Variants in ADGRL3 observed in about 807,000 individuals in gnomAD.
The protein encoded by ADGRL3 is calcium-independent alpha-latrotoxin receptor 3.
Under a neutral mutation model 153.5 loss-of-function variants are expected in ADGRL3, and 62 were observed. That is an observed-to-expected ratio of 0.40 (90% confidence interval 0.33 to 0.50). The LOEUF (loss-of-function observed/expected upper bound fraction) is 0.50. Among genes scored for constraint, ADGRL3 ranks in the 20% least tolerant of loss-of-function variants. The pLI is 0.47. For synonymous variants in ADGRL3, 710 were observed against 672.5 expected, an observed-to-expected ratio of 1.06 and a Z score of -0.86; for missense variants, 1,641 against 1,859.4, an observed-to-expected ratio of 0.88 and a Z score of 2.16.
In ADGRL3 at chr4:61,655,661, C is replaced by T. The variant is rs550133251; in HGVS notation, c.474-21165C>T. Among the ~76,000 whole-genome samples the T allele has an allele frequency of 9.2e-5, 14 of 152,228 alleles. 1 individual carries two copies. In the East Asian group the frequency reaches 1.9e-3, roughly 21 times the overall value. On this transcript the variant is annotated intron_variant, in intron 5 of 26. Transcript: ENST00000683033. ...CAGTAGCAAGAAGGTCGTCATTTTT[C>T]TCTTAATTGATAGATTCATTCAAAA...
chr4:61,977,601 T>C (rs2099052639), intron 17 of ADGRL3, among the ~76,000 whole-genome samples: 1 of 152,120 alleles, frequency 6.6e-6, no homozygotes, highest in Admixed American at 6.6e-5. Context: ...AGTATTCTAG[T>C]GGAGGTCTTC....
In ADGRL3 at chr4:61,722,619, A is replaced by G. The variant is rs530235873; in HGVS notation, c.584-8003A>G. Among the ~76,000 whole-genome samples the G allele has an allele frequency of 2.8e-4, 42 of 152,328 alleles. 1 individual carries two copies. In the South Asian group the frequency reaches 7.9e-3, roughly 29 times the overall value. On this transcript the variant is annotated intron_variant, in intron 6 of 26. Transcript: ENST00000683033. ...ATGATTTCTAGAACTGAAACAAAAA[A>G]TAAAATTAATTGTAGAATTCTTTAG...
In ADGRL3 at chr4:61,598,295, G is replaced by A. The variant is rs148343049; in HGVS notation, c.473+10855G>A. On this transcript the variant is annotated intron_variant, in intron 5 of 26. Coordinates refer to ENST00000683033, the MANE Select transcript of ADGRL3 (RefSeq NM_001387552.1). ...CTGGAGGGCAACATGAACCTCCTGC[G>A]AACTAACAGAAAAGTGGATCTTAAT... is the stretch of plus-strand genomic sequence containing the variant. Among the ~76,000 whole-genome samples, 635 of 152,202 alleles carry A rather than the reference G, an allele frequency of 4.2e-3. 3 individuals are homozygous for A. Among genetic ancestry groups the A allele is most frequent in the African/African-American group, 0.015 (604 of 41,510 alleles).
chr4:62,009,728 T>C (rs936577733), intron 21 of ADGRL3, among the ~76,000 whole-genome samples: 26 of 152,204 alleles, frequency 1.7e-4, no homozygotes, highest in African/African-American at 5.3e-4. Flanking sequence ...AATTCAGTTT[T>C]GAAACTAACT....
chr4:62,030,773 A>G (rs528166468), intron 22 of ADGRL3, among the ~76,000 whole-genome samples: 1 of 151,548 alleles, frequency 6.6e-6, no homozygotes, highest in Middle Eastern at 3.2e-3. Flanking sequence ...TCTAAAATCT[A>G]CTACAGCATA....
chr4:61,844,836 C>G (rs2149047724), intron 9 of ADGRL3, among the ~76,000 whole-genome samples: 1 of 151,886 alleles, frequency 6.6e-6, no homozygotes, highest in African/African-American at 2.4e-5. Flanking sequence ...TGACCAGCTC[C>G]CTCACTCCCT....
chr4:61,207,214 A>G (rs960300863), intron 1 of ADGRL3, among the ~76,000 whole-genome samples: 29 of 151,970 alleles, frequency 1.9e-4, no homozygotes, highest in Non-Finnish European at 2.1e-4. Flanking sequence ...CCACCCTGCA[A>G]CAGGCCCAGG....
rs149755852 is a variant in ADGRL3, at chr4:61,407,555, A to G, written c.-174+24366A>G. 1.6e-4 allele frequency among the ~76,000 whole-genome samples: 25 copies of G among 152,260 alleles called. 1 individual carries two copies. In the East Asian group the frequency reaches 4.6e-3, roughly 28 times the overall value. The stretch of plus-strand genomic sequence containing the variant: ...GTGTCCACAAAAAACTGAGGAAAAC[A>G]ACCAGCTGTGTAAACCAATTTTTAG... On this transcript the variant is annotated intron_variant, in intron 2 of 26. Transcript: ENST00000683033.
chr4:61,237,057 A>C (rs1753123120), intron 1 of ADGRL3, among the ~76,000 whole-genome samples: 1 of 152,086 alleles, frequency 6.6e-6, no homozygotes, highest in Non-Finnish European at 1.5e-5. Context: ...GGTAGTCCCA[A>C]TTCATATTTT....
At chr4:61,306,121 A>G (rs2094775693) in intron 1 of ADGRL3, among the ~76,000 whole-genome samples, 2 of 151,802 alleles carry the variant, frequency 1.3e-5, no homozygotes, top group Non-Finnish European at 2.9e-5. Context: ...TTTTTGAGAC[A>G]GAGTCTTGCT....
At chr4:61,432,630 C>CTT (rs1417653985) in intron 2 of ADGRL3, among the ~76,000 whole-genome samples, 1 of 50,498 alleles carries the variant, frequency 2.0e-5, no homozygotes, top group Admixed American at 2.3e-4. Context: ...TTCTTTCTTT[C>CTT]TTTCTTTCTT....
At chr4:62,025,032 C>A (rs773752248) in intron 21 of ADGRL3, among the ~76,000 whole-genome samples, 224 of 151,820 alleles carry the variant, frequency 1.5e-3, no homozygotes, top group Non-Finnish European at 2.7e-3. Context: ...ATGGTATAGT[C>A]CCATCAACAT....
intron 1 of ADGRL3, among the ~76,000 whole-genome samples, chr4:61,310,027 C>G (rs906107783): frequency 6.6e-6 from 1 of 151,466 alleles, no homozygotes; most frequent in Non-Finnish European, 1.5e-5. Flanking sequence ...CACTGTTTAA[C>G]CTTTAAACAT....
chr4:61,513,563 A>G (rs963531826), intron 3 of ADGRL3, among the ~76,000 whole-genome samples: 3 of 152,126 alleles, frequency 2.0e-5, no homozygotes, highest in Non-Finnish European at 4.4e-5. Flanking sequence ...TACTAATTTT[A>G]TATTTCACGC....
chr4:61,837,860 A>T (rs1344476708), intron 9 of ADGRL3, among the ~76,000 whole-genome samples: 1 of 152,160 alleles, frequency 6.6e-6, no homozygotes, highest in Middle Eastern at 3.4e-3. Flanking sequence ...AACAGACCTT[A>T]TTTCCTAGGG....
intron 5 of ADGRL3, among the ~76,000 whole-genome samples, chr4:61,648,646 C>G (rs2094134819): frequency 6.6e-6 from 1 of 151,410 alleles, no homozygotes; most frequent in Non-Finnish European, 1.5e-5. Context: ...TATTCTCTAA[C>G]TAGAGGAGAA....
chr4:61,376,821 C>G (rs145339420), intron 1 of ADGRL3, among the ~76,000 whole-genome samples: 1 of 152,268 alleles, frequency 6.6e-6, no homozygotes, highest in East Asian at 1.9e-4. Context: ...TCCTTAGATA[C>G]TAGCAGTAAG....
At chr4:61,209,282 A>T (rs1020425692) in intron 1 of ADGRL3, among the ~76,000 whole-genome samples, 4 of 152,138 alleles carry the variant, frequency 2.6e-5, no homozygotes, top group African/African-American at 9.7e-5. Context: ...AGTCACTTGA[A>T]TACAACCCCA....
At chr4:61,372,136 T>G (rs1242329224) in intron 1 of ADGRL3, among the ~76,000 whole-genome samples, 1 of 151,960 alleles carries the variant, frequency 6.6e-6, no homozygotes, top group Non-Finnish European at 1.5e-5. Context: ...TTCTTCTAAA[T>G]TTTTTTGAAA....
Sources: allele counts gnomAD v4.1 joint callset (sites outside exome capture counted in the v4.1 genomes callset), GRCh38; gene constraint gnomAD v4.1.1; transcripts MANE v1.5; gene names NCBI Gene and HGNC (gene_info 2026-07-23, HGNC 2026-07-21).